Variants in TRPM3 observed in about 807,000 individuals in gnomAD.
TRPM3 encodes long transient receptor potential channel 3.
TRPM3 carries 77 observed loss-of-function variants against 181.2 expected under a neutral mutation model. That is an observed-to-expected ratio of 0.42 (90% CI 0.35 to 0.51). The LOEUF (loss-of-function observed/expected upper bound fraction) is 0.51, where lower values mean the gene tolerates loss of function less well. TRPM3 is among the 20% of genes least tolerant of loss of function. The pLI is 0.01. For missense variants in TRPM3, 1,759 were observed against 2,196.7 expected (o/e 0.80, Z 3.98); for synonymous variants, 745 against 796.4 (o/e 0.94, Z 1.09).
chr9:70,757,420 T>C (rs2135212698), intron 8 of TRPM3, among the ~76,000 whole-genome samples: 1 of 152,276 alleles, frequency 6.6e-6, no homozygotes, highest in East Asian at 1.9e-4. Context: ...GAGGAGCTGG[T>C]ACCATTCCTT....
At chr9:71,336,781 G>A (rs1260144227) in intron 1 of TRPM3, among the ~76,000 whole-genome samples, 1 of 152,022 alleles carries the variant, frequency 6.6e-6, no homozygotes, top group Non-Finnish European at 1.5e-5. Flanking sequence ...CAGAACAGAG[G>A]CCTCAGAAAT....
chr9:71,427,989 G>A (rs377555987), intron 1 of TRPM3, among the ~76,000 whole-genome samples: 5 of 152,124 alleles, frequency 3.3e-5, no homozygotes, highest in African/African-American at 1.2e-4. Flanking sequence ...AATCACCTGA[G>A]GACCTTTTCA....
chr9:70,784,921 G>A (rs1283940190), intron 6 of TRPM3, among the ~76,000 whole-genome samples: 2 of 152,152 alleles, frequency 1.3e-5, no homozygotes, highest in African/African-American at 2.4e-5. Context: ...GAGTGCAGTG[G>A]CACAATCTCA....
upstream of TRPM3, among the ~76,000 whole-genome samples, chr9:71,122,371 T>C (rs1005233585): frequency 1.3e-5 from 2 of 152,212 alleles, no homozygotes; most frequent in African/African-American, 4.8e-5. Flanking sequence ...TAATTTCACA[T>C]AGTAAGTTGG....
intron 20 of TRPM3, 66 bp downstream of exon 20, chr9:70,603,276 C>T (rs1564515279): frequency 1.3e-6 from 2 of 1,550,636 alleles, no homozygotes; most frequent in East Asian, 2.3e-5. Context: ...CTTCCTGTCC[C>T]CTCCATCCAC....
At chr9:70,682,054 C>T (rs922246132) in intron 8 of TRPM3, among the ~76,000 whole-genome samples, 1 of 152,148 alleles carries the variant, frequency 6.6e-6, no homozygotes, top group African/African-American at 2.4e-5. Flanking sequence ...TGATTTTGGA[C>T]TTCTCAGCCT....
intron 1 of TRPM3, among the ~76,000 whole-genome samples, chr9:71,190,829 A>C (rs2077975898): frequency 6.6e-6 from 1 of 151,822 alleles, no homozygotes; most frequent in African/African-American, 2.4e-5. Flanking sequence ...AACGTCCTGT[A>C]AGGACTCTAC....
chr9:70,965,289 T>C (rs2097174238), intron 1 of TRPM3, among the ~76,000 whole-genome samples: 1 of 152,072 alleles, frequency 6.6e-6, no homozygotes, highest in Non-Finnish European at 1.5e-5. Flanking sequence ...TGTACTTTGA[T>C]TTTACAACTT....
intron 1 of TRPM3, among the ~76,000 whole-genome samples, chr9:71,302,136 A>C (rs2086836204): frequency 6.6e-6 from 1 of 152,108 alleles, no homozygotes; most frequent in African/African-American, 2.4e-5. Flanking sequence ...GTAGGTTTTT[A>C]AATTACTTTC....
chr9:70,689,544 T>C (rs562967742), intron 8 of TRPM3, among the ~76,000 whole-genome samples: 103 of 146,656 alleles, frequency 7.0e-4, no homozygotes, highest in Non-Finnish European at 1.4e-3. Context: ...ACAAGAGAGA[T>C]GAAGTGAAGT....
At chr9:70,574,923 T>A (rs932959186) in intron 22 of TRPM3, among the ~76,000 whole-genome samples, 1 of 151,912 alleles carries the variant, frequency 6.6e-6, no homozygotes, top group Non-Finnish European at 1.5e-5. Flanking sequence ...AGCTTGTTTT[T>A]TTCTTTTCTT....
intron 1 of TRPM3, among the ~76,000 whole-genome samples, chr9:71,369,710 A>G (rs931630663): frequency 6.6e-6 from 1 of 152,184 alleles, no homozygotes; most frequent in African/African-American, 2.4e-5. Context: ...AATCGGGGTT[A>G]TGGTTGACTA....
At chr9:71,211,776 C>T (rs571272523) in intron 1 of TRPM3, among the ~76,000 whole-genome samples, 1 of 152,042 alleles carries the variant, frequency 6.6e-6, no homozygotes, top group Admixed American at 6.5e-5. Context: ...AATTAAGGGC[C>T]CATTCTACTT....
intron 1 of TRPM3, among the ~76,000 whole-genome samples, chr9:71,008,233 G>A (rs369734506): frequency 6.6e-6 from 1 of 151,854 alleles, no homozygotes; most frequent in East Asian, 1.9e-4. Flanking sequence ...AATAGAAAAC[G>A]TGAACAGACC....
At chr9:71,398,480 T>C (rs2093254486) in intron 1 of TRPM3, among the ~76,000 whole-genome samples, 1 of 152,180 alleles carries the variant, frequency 6.6e-6, no homozygotes, top group Admixed American at 6.5e-5. Context: ...TGGGAGGTGA[T>C]TGGATCATGG....
chr9:70,655,319 A>G (rs1446072035), intron 9 of TRPM3, among the ~76,000 whole-genome samples: 1 of 150,528 alleles, frequency 6.6e-6, no homozygotes, highest in Non-Finnish European at 1.5e-5. Context: ...AAAAAAAAAA[A>G]AAAAAAAAAA....
At chr9:70,895,205 T>C (rs1219759570) in intron 1 of TRPM3, among the ~76,000 whole-genome samples, 2 of 152,236 alleles carry the variant, frequency 1.3e-5, no homozygotes, top group Non-Finnish European at 2.9e-5. Context: ...TTTTCTTTTC[T>C]TTACACAATT....
At chr9:70,861,329 A>G (rs1402927079) in intron 3 of TRPM3, among the ~76,000 whole-genome samples, 1 of 152,166 alleles carries the variant, frequency 6.6e-6, no homozygotes, top group Non-Finnish European at 1.5e-5. Context: ...TGGTCATCAG[A>G]GTCTCCTAAG....
chr9:70,989,020 C>A (rs1383537177), intron 1 of TRPM3, among the ~76,000 whole-genome samples: 1 of 152,174 alleles, frequency 6.6e-6, no homozygotes, highest in African/African-American at 2.4e-5. Context: ...CTCTGTGATA[C>A]CCTGAGCAGA....
Sources: allele counts gnomAD v4.1 joint callset (sites outside exome capture counted in the v4.1 genomes callset), GRCh38; gene constraint gnomAD v4.1.1; transcripts MANE v1.5; gene names NCBI Gene and HGNC (gene_info 2026-07-23, HGNC 2026-07-21).